Variants in ALKAL1 observed in about 807,000 individuals in gnomAD.
ALKAL1 encodes AUG-beta.
ALKAL1 carries 23 observed loss-of-function variants against 13.5 expected under a neutral mutation model. The observed-to-expected ratio is 1.70, with a 90% confidence interval of 1.23 to 2.41. The LOEUF is 2.41. ALKAL1 is among the 30% of genes most tolerant of loss of function. The pLI is 0.00. For synonymous variants in ALKAL1, 85 were observed against 77.7 expected (o/e 1.09, Z -0.49); for missense variants, 181 against 178.4 (o/e 1.01, Z -0.08).
intron 1 of ALKAL1, among the ~76,000 whole-genome samples, chr8:52,548,091 G>A (rs1189218384): frequency 6.6e-6 from 1 of 152,206 alleles, no homozygotes; most frequent in Non-Finnish European, 1.5e-5. Flanking sequence ...GCTTATGCCT[G>A]TAATCTCGGC....
intron 1 of ALKAL1, among the ~76,000 whole-genome samples, chr8:52,547,474 T>G (rs1167566406): frequency 6.6e-6 from 1 of 152,146 alleles, no homozygotes; most frequent in East Asian, 1.9e-4. Context: ...CACTCCAGCC[T>G]GGGTGACAGA....
intron 1 of ALKAL1, among the ~76,000 whole-genome samples, chr8:52,555,188 A>G (rs1410423956): frequency 6.6e-6 from 1 of 151,106 alleles, no homozygotes; most frequent in Non-Finnish European, 1.5e-5. Context: ...AAAAAAAAAA[A>G]GATAAAGGCC....
At chr8:52,539,753 A>G in intron 3 of ALKAL1, 78 bp downstream of exon 3, 1 of 1,067,552 alleles carries the variant, frequency 9.4e-7, no homozygotes, top group South Asian at 1.4e-5. Context: ...CTTCCCACCC[A>G]CAGACATTTG....
At chr8:52,555,292 A>T (rs1004810660) in intron 1 of ALKAL1, among the ~76,000 whole-genome samples, 13 of 151,942 alleles carry the variant, frequency 8.6e-5, no homozygotes, top group African/African-American at 3.1e-4. Context: ...CTGGCAGAGG[A>T]TATTGGATTT....
rs73679245 is a variant in ALKAL1 at position 52,552,114 on chromosome 8, C to T, written c.191-9669G>A. ...CATGTCTCCTTAGGCGCCTCTTGGCCGTGATAGTCTCTCAAAATTTCCTTG... is the reference window on the plus strand; with the variant it reads ...CATGTCTCCTTAGGCGCCTCTTGGCTGTGATAGTCTCTCAAAATTTCCTTG... On this transcript the variant is annotated intron_variant, in intron 1 of 4. Transcript: ENST00000358543. Among the ~76,000 whole-genome samples, 1,014 of 152,196 alleles carry T rather than the reference C, an allele frequency of 6.7e-3. 13 individuals are homozygous for T. Among genetic ancestry groups the T allele is most frequent in the African/African-American group, 0.023 (967 of 41,512 alleles).
intron 1 of ALKAL1, 151 bp downstream of exon 1, chr8:52,564,916 T>C: frequency 3.5e-6 from 2 of 573,968 alleles, no homozygotes; most frequent in South Asian, 8.8e-5. Flanking sequence ...GCTTACGACC[T>C]CTTTCCGAGA....
At chr8:52,544,512 G>A (rs1363041229) in intron 1 of ALKAL1, among the ~76,000 whole-genome samples, 1 of 152,150 alleles carries the variant, frequency 6.6e-6, no homozygotes, top group Non-Finnish European at 1.5e-5. Context: ...CACAAACTTT[G>A]TGCTTAATTC....
At chr8:52,540,233 A>G (rs766751925) in intron 2 of ALKAL1, among the ~76,000 whole-genome samples, 1 of 152,248 alleles carries the variant, frequency 6.6e-6, no homozygotes, top group Admixed American at 6.5e-5. Context: ...TTGAGTGGAC[A>G]AGAAGTACAA....
intron 1 of ALKAL1, among the ~76,000 whole-genome samples, chr8:52,543,808 T>G (rs1323858809): frequency 6.6e-6 from 1 of 151,974 alleles, no homozygotes. Context: ...ATGAGCTGAG[T>G]ACAGCAGAAG....
intron 1 of ALKAL1, among the ~76,000 whole-genome samples, chr8:52,550,590 C>G (rs1847419674): frequency 6.6e-6 from 1 of 152,202 alleles, no homozygotes; most frequent in Non-Finnish European, 1.5e-5. Flanking sequence ...TCAACAGAGA[C>G]TTGCTATCTC....
At chr8:52,534,733 T>C in intron 4 of ALKAL1, 133 bp from the exon 5 acceptor site, 1 of 423,382 alleles carries the variant, frequency 2.4e-6, no homozygotes, top group East Asian at 3.5e-5. Context: ...ATCCTGAGAA[T>C]GCAGACTAAT....
At chr8:52,549,645 T>A (rs934287189) in intron 1 of ALKAL1, among the ~76,000 whole-genome samples, 3 of 152,032 alleles carry the variant, frequency 2.0e-5, no homozygotes, top group Non-Finnish European at 2.9e-5. Context: ...AATATTTTTT[T>A]AAAAATACTA....
intron 1 of ALKAL1, among the ~76,000 whole-genome samples, chr8:52,549,394 C>T (rs1176761116): frequency 2.0e-5 from 3 of 150,794 alleles, no homozygotes; most frequent in Non-Finnish European, 4.4e-5. Flanking sequence ...ACAAAAAATT[C>T]AAATTTGTAA....
At chr8:52,563,415 G>C (rs570603152) in intron 1 of ALKAL1, among the ~76,000 whole-genome samples, 2 of 152,244 alleles carry the variant, frequency 1.3e-5, no homozygotes, top group Non-Finnish European at 2.9e-5. Context: ...TGGGAGACAG[G>C]AGCGAAACTC....
chr8:52,550,085 CAT>C (rs1397796908), intron 1 of ALKAL1, among the ~76,000 whole-genome samples: 3 of 152,060 alleles, frequency 2.0e-5, no homozygotes, highest in African/African-American at 7.2e-5. Context: ...TTTGTAAATA[CAT>C]GTTTTTATAT....
At chr8:52,538,243 C>T (rs985251567) in intron 4 of ALKAL1, among the ~76,000 whole-genome samples, 188 bp downstream of exon 4, 3 of 151,548 alleles carry the variant, frequency 2.0e-5, no homozygotes, top group African/African-American at 7.3e-5. Flanking sequence ...TTTAAAGCTG[C>T]AAAAGAAGGT....
intron 2 of ALKAL1, 119 bp downstream of exon 2, chr8:52,542,273 C>G: frequency 1.6e-6 from 1 of 642,990 alleles, no homozygotes; most frequent in South Asian, 2.3e-5. Context: ...GTCCATCTCC[C>G]CAACTGGACC....
At chr8:52,555,501 A>G (rs1847473989) in intron 1 of ALKAL1, among the ~76,000 whole-genome samples, 1 of 152,170 alleles carries the variant, frequency 6.6e-6, no homozygotes. Context: ...TAGGCAGCAG[A>G]TAATGAATAT....
At position 52,537,623 on chromosome 8, in the gene ALKAL1, C is replaced by T. The variant is rs933032721; in HGVS notation, c.*12+808G>A. Among the ~76,000 whole-genome samples the T allele has an allele frequency of 4.6e-5, 7 of 151,990 alleles. No homozygotes were observed. In the East Asian group the frequency reaches 5.8e-4, roughly 13 times the overall value. On this transcript the variant is annotated intron_variant, in intron 4 of 4. Transcript: ENST00000358543. ...ATAAAGAAAATGTGTATATACACAA[C>T]GGAATACTATTCAGCCATAAAAAGA... is the stretch of plus-strand genomic sequence containing the variant.
Sources: gnomAD v4.1 joint callset for allele counts (sites outside exome capture counted in the v4.1 genomes callset) on GRCh38, gnomAD v4.1.1 for gene constraint, MANE v1.5 for transcripts, NCBI Gene and HGNC (gene_info 2026-07-23, HGNC 2026-07-21) for gene names.